The following GPR160 variants were observed in gnomAD, a reference collection of about 807,000 sequenced individuals.
GPR160 encodes the protein G protein-coupled receptor 160, also known as probable G protein-coupled receptor 160.
In GPR160, 2 loss-of-function variants were observed where a neutral mutation model predicts 2.6. That is an observed-to-expected ratio of 0.77 (90% CI 0.32 to 2.44). The LOEUF (loss-of-function observed/expected upper bound fraction) is 2.44. Ranked by LOEUF, GPR160 falls within the 30% of genes most tolerant of loss-of-function variation. The pLI, the probability that GPR160 is intolerant of heterozygous loss-of-function variation, is 0.11. For missense variants in GPR160, 351 were observed against 383.6 expected (o/e 0.91, Z 0.71); for synonymous variants, 130 against 132.2 (o/e 0.98, Z 0.12).
At chr3:170,043,651 C>T (rs1028391924) in intron 2 of GPR160, among the ~76,000 whole-genome samples, 7 of 152,218 alleles carry the variant, frequency 4.6e-5, no homozygotes, top group African/African-American at 1.7e-4. Context: ...CAGTTTCACA[C>T]TACCTTTAGC....
intron 2 of GPR160, among the ~76,000 whole-genome samples, chr3:170,066,014 C>T (rs527768322): frequency 1.3e-5 from 2 of 152,042 alleles, no homozygotes; most frequent in East Asian, 3.9e-4. Context: ...GCCTCAGCCT[C>T]CTGAGTAGCT....
chr3:170,061,051 G>A (rs2108326689), intron 2 of GPR160, among the ~76,000 whole-genome samples: 1 of 152,072 alleles, frequency 6.6e-6, no homozygotes, highest in Non-Finnish European at 1.5e-5. Context: ...CAGGAGGGTG[G>A]ATTGCTTGAA....
chr3:170,084,592 T>A lies in GPR160; in HGVS notation c.620T>A (p.Leu207Ter). The A allele has an allele frequency of 6.2e-7, 1 of 1,613,382 alleles. No homozygotes were observed. The highest frequency in any genetic ancestry group is 1.1e-5 in the South Asian group (1 of 91,064). The change falls in exon 4 of 4, where the codon TTG becomes TAG. Residue 207 changes from leucine to a stop codon, truncating the protein, a stop_gained. Transcript: ENST00000355897. LOFTEE classifies it low-confidence loss of function (END_TRUNC). ...FITCWEEVTT[L>*]VQAIRITSYM... ...ACCTGTTGGGAAGAAGTTACTACTT[T>A]GGTACAGGCTATCAGGATAACTTCC...
At chr3:170,072,260 A>T (rs906636106) in intron 2 of GPR160, among the ~76,000 whole-genome samples, 1 of 151,498 alleles carries the variant, frequency 6.6e-6, no homozygotes, top group Non-Finnish European at 1.5e-5. Context: ...TTTTTAGTAG[A>T]TATGGGGTTT....
intron 3 of GPR160, among the ~76,000 whole-genome samples, chr3:170,080,943 T>C (rs530171441): frequency 2.6e-5 from 4 of 152,246 alleles, no homozygotes; most frequent in African/African-American, 9.6e-5. Flanking sequence ...TCAAGTGATC[T>C]ACCCACCTTG....
chr3:170,059,133 A>C (rs1223999401), intron 2 of GPR160, among the ~76,000 whole-genome samples: 4 of 152,188 alleles, frequency 2.6e-5, no homozygotes, highest in Non-Finnish European at 5.9e-5. Flanking sequence ...ATATTAGTGG[A>C]GGAAATAAGT....
chr3:170,082,610 T>C (rs983027652), intron 3 of GPR160, among the ~76,000 whole-genome samples: 1 of 152,162 alleles, frequency 6.6e-6, no homozygotes, highest in Non-Finnish European at 1.5e-5. Flanking sequence ...TTTTTTCTTT[T>C]TTCGAGACAG....
At chr3:170,054,857 G>A (rs905664309) in intron 2 of GPR160, among the ~76,000 whole-genome samples, 4 of 150,896 alleles carry the variant, frequency 2.7e-5, no homozygotes, top group South Asian at 2.1e-4. Context: ...GCAGTGGCCC[G>A]ATCTTGGCTC....
chr3:170,069,535 G>A (rs1022392277), intron 2 of GPR160, among the ~76,000 whole-genome samples: 4 of 151,560 alleles, frequency 2.6e-5, no homozygotes, highest in East Asian at 1.9e-4. Context: ...CTCATTTACC[G>A]TCCATCTGTT....
At chr3:170,056,204 T>C (rs1304301433) in intron 2 of GPR160, among the ~76,000 whole-genome samples, 1 of 152,148 alleles carries the variant, frequency 6.6e-6, no homozygotes, top group East Asian at 1.9e-4. Flanking sequence ...GATGACGAGG[T>C]GAATATATGT....
At chr3:170,077,705 T>C (rs1281385503) in intron 2 of GPR160, 1 of 152,308 alleles carries the variant, frequency 6.6e-6, no homozygotes, top group Non-Finnish European at 1.5e-5. Context: ...CGGCATTATG[T>C]CTGTACTGAA....
chr3:170,042,856 A>T (rs1716519484), intron 2 of GPR160, among the ~76,000 whole-genome samples: 1 of 141,574 alleles, frequency 7.1e-6, no homozygotes. Flanking sequence ...AAAAGAATTC[A>T]TGGTAGTCTT....
intron 2 of GPR160, among the ~76,000 whole-genome samples, chr3:170,059,475 A>T (rs1213105455): frequency 6.6e-6 from 1 of 152,148 alleles, no homozygotes; most frequent in Non-Finnish European, 1.5e-5. Flanking sequence ...CAGTGTAGTA[A>T]CTCTGAAACT....
intron 3 of GPR160, among the ~76,000 whole-genome samples, chr3:170,080,861 C>T (rs574699567): frequency 1.7e-3 from 262 of 152,172 alleles, no homozygotes; most frequent in Non-Finnish European, 3.2e-3. Flanking sequence ...CCACCACACC[C>T]GAGTAATTTT....
chr3:170,082,958 C>G (rs1713208570), intron 3 of GPR160, among the ~76,000 whole-genome samples: 1 of 136,358 alleles, frequency 7.3e-6, no homozygotes, highest in South Asian at 2.4e-4. Context: ...GTTTGTTGTT[C>G]TTGTCATTTT....
intron 2 of GPR160, among the ~76,000 whole-genome samples, chr3:170,043,501 G>C (rs924583390): frequency 3.9e-5 from 6 of 152,124 alleles, no homozygotes; most frequent in African/African-American, 1.4e-4. Context: ...TTTTAATTCT[G>C]ACAAATGTCT....
At chr3:170,066,095 A>G (rs1159394513) in intron 2 of GPR160, among the ~76,000 whole-genome samples, 2 of 139,470 alleles carry the variant, frequency 1.4e-5, no homozygotes, top group Non-Finnish European at 3.1e-5. Context: ...TCATGTATAT[A>G]TAGAAGATTA....
chr3:170,044,184 C>A (rs1049727913), intron 2 of GPR160, among the ~76,000 whole-genome samples: 2 of 151,780 alleles, frequency 1.3e-5, no homozygotes, highest in African/African-American at 4.8e-5. Context: ...ATTAGCCTGG[C>A]GTGGTGGTGT....
chr3:170,083,032 A>T (rs1259313175), intron 3 of GPR160, among the ~76,000 whole-genome samples: 1 of 146,672 alleles, frequency 6.8e-6, no homozygotes, highest in Non-Finnish European at 1.5e-5. Flanking sequence ...ACTGCGATTG[A>T]GTAGTATTGT....
Sources: gnomAD v4.1 joint callset for allele counts (sites outside exome capture counted in the v4.1 genomes callset) on GRCh38, gnomAD v4.1.1 for gene constraint, MANE v1.5 for transcripts, NCBI Gene and HGNC (gene_info 2026-07-23, HGNC 2026-07-21) for gene names.